Variants in DPP10 observed in about 807,000 individuals in gnomAD.
DPP10 encodes the protein inactive dipeptidyl peptidase 10.
Under a neutral mutation model 120.9 loss-of-function variants are expected in DPP10, and 33 were observed. The observed-to-expected ratio is 0.27, with a 90% CI of 0.21 to 0.37. The LOEUF (loss-of-function observed/expected upper bound fraction) is 0.37. DPP10 is among the 10% of genes least tolerant of loss of function. The probability of loss-of-function intolerance (pLI) is 1.00; values close to 1 mark genes in which losing one functional copy is unlikely to be tolerated. For synonymous variants in DPP10, 337 were observed against 326.1 expected (o/e 1.03, Z -0.36); for missense variants, 816 against 942.8 (o/e 0.87, Z 1.76).
intron 5 of DPP10, among the ~76,000 whole-genome samples, chr2:115,561,927 A>G (rs552608542): frequency 5.1e-4 from 77 of 152,228 alleles, no homozygotes; most frequent in Admixed American, 1.0e-3. Context: ...AAACTGTCCT[A>G]TATCTTTGAA....
chr2:115,840,616 GC>G, intron 24 of DPP10, 133 bp from the exon 25 acceptor site: 1 of 875,912 alleles, frequency 1.1e-6, no homozygotes, highest in Non-Finnish European at 1.7e-6. Flanking sequence ...GAGCCACCGT[GC>G]CCAGCCAGAT....
At chr2:114,803,836 A>AT (rs1164533883) in intron 1 of DPP10, among the ~76,000 whole-genome samples, 1 of 152,190 alleles carries the variant, frequency 6.6e-6, no homozygotes, top group Non-Finnish European at 1.5e-5. Flanking sequence ...AGAAAAACTC[A>AT]TTTTCTGGGG....
intron 1 of DPP10, among the ~76,000 whole-genome samples, chr2:115,104,327 C>A (rs2048844833): frequency 6.6e-6 from 1 of 151,912 alleles, no homozygotes; most frequent in Non-Finnish European, 1.5e-5. Flanking sequence ...TCTACAGAAG[C>A]TGCCACCACA....
intron 1 of DPP10, among the ~76,000 whole-genome samples, chr2:114,592,684 C>G (rs367963412): frequency 3.3e-5 from 5 of 151,542 alleles, no homozygotes; most frequent in African/African-American, 1.2e-4. Flanking sequence ...ACCCTCAAAA[C>G]GCTTGAAAAC....
chr2:114,692,866 T>C (rs182096227), intron 1 of DPP10, among the ~76,000 whole-genome samples: 192 of 152,192 alleles, frequency 1.3e-3, no homozygotes, highest in Non-Finnish European at 2.2e-3. Context: ...ATCTTTTTGG[T>C]TTAAAGTCTG....
chr2:115,729,937 G>A (rs1233968311), intron 8 of DPP10, among the ~76,000 whole-genome samples: 1 of 152,144 alleles, frequency 6.6e-6, no homozygotes, highest in African/African-American at 2.4e-5. Context: ...TGTGTCCCTA[G>A]GGAACCAAAG....
chr2:115,068,516 G>T (rs557165111), intron 1 of DPP10, among the ~76,000 whole-genome samples: 3 of 152,102 alleles, frequency 2.0e-5, no homozygotes, highest in Admixed American at 6.5e-5. Flanking sequence ...TCCCATGTAG[G>T]TTGCCTCTTC....
chr2:115,746,034 A>G lies in DPP10; in HGVS notation c.853-52A>G, dbSNP rs557455062. On this transcript the variant is annotated intron_variant, in intron 9 of 25. Transcript: ENST00000410059. ...TCAAAAATCCTTTTCTTTTTTACCC[A>G]ATATATTCTAATGCTTAATGTACTT... 18 of 1,292,726 alleles carry G rather than the reference A, an allele frequency of 1.4e-5. No individual in the cohort carries two copies. In the East Asian group the frequency reaches 4.6e-4, roughly 33 times the overall value. The allele number at this position is 1,292,726 out of a possible 1,614,324, so 80.1% of individuals were successfully genotyped here.
chr2:115,093,751 A>T (rs1709482272), intron 1 of DPP10, among the ~76,000 whole-genome samples: 1 of 152,090 alleles, frequency 6.6e-6, no homozygotes, highest in Non-Finnish European at 1.5e-5. Context: ...AACTTTAAGA[A>T]AATAAAATTT....
chr2:115,359,949 C>T lies in DPP10; in HGVS notation c.271+16037C>T, dbSNP rs142081011. On this transcript the variant is annotated intron_variant, in intron 3 of 25. Coordinates refer to ENST00000410059, the MANE Select transcript of DPP10 (RefSeq NM_020868.6). ...TTTTTAATTTCTCTAGTAAGTTTCT[C>T]AATTCCAGAAGTTCAGTTTTGTTTT... 4.7e-3 allele frequency among the ~76,000 whole-genome samples: 712 copies of T among 152,188 alleles called. 4 individuals carry two copies. Among genetic ancestry groups the T allele is most frequent in the Non-Finnish European group, 7.1e-3 (480 of 68,006 alleles).
At chr2:114,544,565 A>G (rs956027174) in intron 1 of DPP10, among the ~76,000 whole-genome samples, 2 of 152,178 alleles carry the variant, frequency 1.3e-5, no homozygotes, top group Non-Finnish European at 2.9e-5. Context: ...CATTTGTTAA[A>G]TGGCCTTTTG....
chr2:115,563,997 T>C (rs570488502), intron 5 of DPP10, among the ~76,000 whole-genome samples: 19 of 152,284 alleles, frequency 1.2e-4, no homozygotes, highest in African/African-American at 4.6e-4. Context: ...CATTTAAAAA[T>C]AGGTTTACAT....
chr2:114,918,920 C>G (rs778447983), intron 1 of DPP10, among the ~76,000 whole-genome samples: 3 of 149,942 alleles, frequency 2.0e-5, no homozygotes, highest in Non-Finnish European at 4.4e-5. Context: ...ATGTAGCAAA[C>G]GTGCACACGT....
intron 1 of DPP10, among the ~76,000 whole-genome samples, chr2:114,574,546 T>A (rs560470912): frequency 6.6e-6 from 1 of 152,258 alleles, no homozygotes; most frequent in African/African-American, 2.4e-5. Context: ...TAACACAGAA[T>A]TAAGTCATAA....
chr2:114,961,476 C>T (rs114360285), intron 1 of DPP10, among the ~76,000 whole-genome samples: 3,184 of 151,322 alleles, frequency 0.021, 124 homozygotes, highest in African/African-American at 0.073. Flanking sequence ...TGTGTGCGCG[C>T]GCACATTTCA....
chr2:115,162,110 T>C lies in DPP10; in HGVS notation c.61-147129T>C, dbSNP rs1238319727. On this transcript the variant is annotated intron_variant, in intron 1 of 25. Coordinates refer to ENST00000410059, the MANE Select transcript of DPP10 (RefSeq NM_020868.6). ...TCCGCCCGCCTCCCGCTTCCCAGGC[T>C]GGGCTCCCGCGCCTCCCTCTTCTCA... The C allele has an allele frequency of 5.3e-6, 8 of 1,512,418 alleles. No homozygotes were observed. The African/African-American group carries it at 1.0e-4, about 19-fold the overall frequency. 93.7% of individuals were successfully genotyped at this position (1,512,418 alleles called of 1,614,324 possible).
At chr2:114,612,330 C>A (rs1054747039) in intron 1 of DPP10, among the ~76,000 whole-genome samples, 1 of 152,194 alleles carries the variant, frequency 6.6e-6, no homozygotes, top group Non-Finnish European at 1.5e-5. Flanking sequence ...CTAGCCTCAA[C>A]TCCTCTTGGA....
chr2:114,526,246 A>G (rs1398272845), intron 1 of DPP10, among the ~76,000 whole-genome samples: 1 of 152,198 alleles, frequency 6.6e-6, no homozygotes, highest in East Asian at 1.9e-4. Flanking sequence ...GTGTGCAATC[A>G]CCAACACAAA....
chr2:114,493,112 A>G (rs1171099713), intron 1 of DPP10, among the ~76,000 whole-genome samples: 1 of 152,168 alleles, frequency 6.6e-6, no homozygotes, highest in African/African-American at 2.4e-5. Context: ...AAATATAGAG[A>G]TACACTCAGT....
Sources: allele counts gnomAD v4.1 joint callset (sites outside exome capture counted in the v4.1 genomes callset), GRCh38; gene constraint gnomAD v4.1.1; transcripts MANE v1.5; gene names NCBI Gene and HGNC (gene_info 2026-07-23, HGNC 2026-07-21).